The following CEP63 variants were observed in gnomAD, a reference collection of about 807,000 sequenced individuals.
CEP63 encodes the protein centrosomal protein of 63 kDa.
A neutral mutation model predicts 89.1 loss-of-function variants in CEP63; 84 were observed. The observed-to-expected ratio is 0.94, with a 90% confidence interval of 0.79 to 1.13. The LOEUF (loss-of-function observed/expected upper bound fraction) is 1.13, where lower values mean the gene tolerates loss of function less well. Among genes scored for constraint, CEP63 ranks in the 50% most tolerant of loss-of-function variants. The probability of loss-of-function intolerance (pLI) is 0.00; values close to 1 mark genes in which losing one functional copy is unlikely to be tolerated. For synonymous variants in CEP63, 267 were observed against 272.5 expected, an observed-to-expected ratio of 0.98 and a Z score of 0.20; for missense variants, 838 against 813.3, an observed-to-expected ratio of 1.03 and a Z score of -0.37.
chr3:134,616,388 C>G, the CEP63 span, among the ~76,000 whole-genome samples: 1 of 152,162 alleles, frequency 6.6e-6, no homozygotes, highest in Non-Finnish European at 1.5e-5. Context: ...CCCTGACAAC[C>G]AAGAAGGGAT....
chr3:134,773,513 A>G, the CEP63 span, among the ~76,000 whole-genome samples: 1 of 152,310 alleles, frequency 6.6e-6, no homozygotes, highest in Admixed American at 6.5e-5. Flanking sequence ...GCACCCTGCT[A>G]TGTTACCTCT....
chr3:134,781,295 T>C, the CEP63 span, among the ~76,000 whole-genome samples: 23,648 of 152,176 alleles, frequency 0.16, 3,364 homozygotes, highest in African/African-American at 0.37. Flanking sequence ...AAATTGGGGA[T>C]AATAGCCATG....
chr3:134,620,664 C>T, the CEP63 span: 7 of 933,730 alleles, frequency 7.5e-6, no homozygotes, highest in Admixed American at 8.1e-5. Context: ...TCACTCTGCA[C>T]ACGTGAATAA....
At chr3:134,752,935 A>G in the CEP63 span, among the ~76,000 whole-genome samples, 152,206 of 152,258 alleles carry the variant, frequency 1, 76,077 homozygotes, top group Middle Eastern at 1. Context: ...AGGCTCTACC[A>G]CTGCCCGGGC....
chr3:134,632,334 A>G, the CEP63 span, among the ~76,000 whole-genome samples: 1 of 152,086 alleles, frequency 6.6e-6, no homozygotes, highest in Non-Finnish European at 1.5e-5. Context: ...TGCCCATTGA[A>G]TAATCACCAA....
chr3:134,591,439 G>T (rs773238205), downstream of CEP63, among the ~76,000 whole-genome samples: 1 of 152,194 alleles, frequency 6.6e-6, no homozygotes, highest in Non-Finnish European at 1.5e-5. Flanking sequence ...AGCAGATTCT[G>T]GCGCAAGCTA....
chr3:134,571,406 G>A (rs1019697851), intron 11 of CEP63, among the ~76,000 whole-genome samples: 3 of 152,222 alleles, frequency 2.0e-5, no homozygotes, highest in Admixed American at 6.5e-5. Context: ...CAAAGGCCGG[G>A]TGTGGTGGCT....
chr3:134,674,222 C>A, the CEP63 span, among the ~76,000 whole-genome samples: 1 of 152,026 alleles, frequency 6.6e-6, no homozygotes, highest in African/African-American at 2.4e-5. Flanking sequence ...AATCTGGGAA[C>A]ATATAAAAAG....
rs549698065 is a variant in CEP63 at position 134,507,639 on chromosome 3, G to T, written c.222+353G>T. Among the ~76,000 whole-genome samples the T allele has an allele frequency of 1.1e-4, 17 of 152,020 alleles. No individual in the cohort carries two copies. The South Asian group carries it at 3.3e-3, about 30-fold the overall frequency. ...TGCTTTTGGCTTCACTGTATGGCTG[G>T]TATTACAAAAGAAGTTCCAGATTAA... On this transcript the variant is annotated intron_variant, in intron 3 of 14. Coordinates refer to ENST00000675561, the MANE Select transcript of CEP63 (RefSeq NM_001353108.3).
chr3:134,690,937 C>T, the CEP63 span, among the ~76,000 whole-genome samples: 5 of 152,006 alleles, frequency 3.3e-5, no homozygotes, highest in African/African-American at 1.2e-4. Flanking sequence ...TTGGTAGAGA[C>T]GGGGTTTTGC....
intron 3 of CEP63, among the ~76,000 whole-genome samples, chr3:134,519,102 T>G (rs898976347): frequency 2.0e-5 from 3 of 150,646 alleles, no homozygotes; most frequent in Non-Finnish European, 3.0e-5. Context: ...GGTTGAGACA[T>G]GTGAATAGTA....
chr3:134,603,597 G>A, the CEP63 span: 1 of 1,586,106 alleles, frequency 6.3e-7, no homozygotes, highest in East Asian at 2.2e-5. Flanking sequence ...CATTCACTTT[G>A]TATTTCAGGA....
chr3:134,677,861 C>G, the CEP63 span, among the ~76,000 whole-genome samples: 32 of 151,978 alleles, frequency 2.1e-4, no homozygotes, highest in Non-Finnish European at 4.0e-4. Flanking sequence ...ATGCAGTCAC[C>G]AAGTCACGCC....
At chr3:134,725,550 A>G in the CEP63 span, among the ~76,000 whole-genome samples, 1 of 152,234 alleles carries the variant, frequency 6.6e-6, no homozygotes, top group Non-Finnish European at 1.5e-5. Context: ...ACAAGCTAAC[A>G]ATATGGATTT....
At chr3:134,607,652 C>A in the CEP63 span, 12 of 985,662 alleles carry the variant, frequency 1.2e-5, no homozygotes, top group Non-Finnish European at 1.3e-5. Flanking sequence ...GAAGGCCCTG[C>A]TTTTTTGTGA....
chr3:134,549,106 T>A lies in CEP63; in HGVS notation c.1112T>A (p.Leu371Gln). 1 of 1,613,616 alleles carries A rather than the reference T, an allele frequency of 6.2e-7. No homozygotes were observed. Among genetic ancestry groups the A allele is most frequent in the South Asian group, 1.1e-5 (1 of 91,070 alleles). ...ACGTGTAAACAGCTGAGCCAAGAAC[T>A]AATGGAAAAATATGAAGAACTGAAG... ...SATCKQLSQE[L>Q]MEKYEELKRM... is the part of the protein sequence containing the mutation. The change falls in exon 10 of 15, where the codon CTA becomes CAA. Residue 371 changes from leucine (L) to glutamine (Q), a missense_variant. Transcript: ENST00000675561.
the CEP63 span, among the ~76,000 whole-genome samples, chr3:134,713,707 G>A: frequency 6.6e-6 from 1 of 152,130 alleles, no homozygotes. Flanking sequence ...CAGACAAGGG[G>A]CAAAAATGTA....
downstream of CEP63, among the ~76,000 whole-genome samples, chr3:134,591,572 C>A (rs1010915743): frequency 7.9e-5 from 12 of 152,114 alleles, no homozygotes; most frequent in African/African-American, 2.9e-4. Flanking sequence ...TATTGAGATA[C>A]AGGACAGGCA....
chr3:134,759,243 A>G, the CEP63 span, among the ~76,000 whole-genome samples: 1 of 152,226 alleles, frequency 6.6e-6, no homozygotes, highest in Non-Finnish European at 1.5e-5. Flanking sequence ...CAGGAGACTA[A>G]TACAGTCTCT....
Sources: allele counts gnomAD v4.1 joint callset (sites outside exome capture counted in the v4.1 genomes callset), GRCh38; gene constraint gnomAD v4.1.1; transcripts MANE v1.5; gene names NCBI Gene and HGNC (gene_info 2026-07-23, HGNC 2026-07-21).